The following GOLT1B variants were observed in gnomAD, a reference collection of about 807,000 sequenced individuals.
The protein encoded by GOLT1B is vesicle transport protein GOT1B.
GOLT1B carries 3 observed loss-of-function variants against 15.4 expected under a neutral mutation model. The observed-to-expected ratio is 0.19, with a 90% CI of 0.09 to 0.50. The LOEUF (loss-of-function observed/expected upper bound fraction) is 0.50, where lower values mean the gene tolerates loss of function less well. Among genes scored for constraint, GOLT1B ranks in the 20% least tolerant of loss-of-function variants. The pLI is 0.97. For synonymous variants in GOLT1B, 65 were observed against 56.2 expected (o/e 1.16, Z -0.70); for missense variants, 145 against 160.4 (o/e 0.90, Z 0.52).
intron 4 of GOLT1B, 149 bp from the exon 5 acceptor site, chr12:21,515,520 G>C (rs1421293272): frequency 1.6e-6 from 1 of 638,084 alleles, no homozygotes; most frequent in Non-Finnish European, 2.7e-6. Context: ...ATGGTGAGTA[G>C]TACTGGATTA....
intron 1 of GOLT1B, chr12:21,504,494 T>C: frequency 2.1e-6 from 1 of 470,296 alleles, no homozygotes; most frequent in South Asian, 1.5e-5. Flanking sequence ...CTGGATAAAG[T>C]AGTGGAATAT....
At chr12:21,515,121 A>G (rs1161283928) in intron 4 of GOLT1B, 4 of 558,434 alleles carry the variant, frequency 7.2e-6, no homozygotes, top group East Asian at 3.0e-5. Context: ...CATTAAATCT[A>G]TCTTTAATGT....
chr12:21,509,396 CAAAAAAAAA>C (rs71053318), intron 3 of GOLT1B, among the ~76,000 whole-genome samples: 10 of 74,038 alleles, frequency 1.4e-4, no homozygotes, highest in African/African-American at 4.4e-4. Flanking sequence ...GACTCTGTCT[CAAAAAAAAA>C]AAAAAAAAAA....
intron 1 of GOLT1B, among the ~76,000 whole-genome samples, chr12:21,502,362 C>G (rs541638588): frequency 1.3e-5 from 2 of 152,282 alleles, no homozygotes; most frequent in East Asian, 3.9e-4. Context: ...TCTACAAGTC[C>G]CTGGCTGGCT....
At position 21,518,344 on chromosome 12, in the gene GOLT1B, G is replaced by A. The variant is rs1008206883; in HGVS notation, c.*2637G>A. Reference sequence around the variant, plus strand: ...AAATAGACTTCAAGTAAGCAAAAATGTTCTTAATTTTGAAAACTGTAAAAT... The same window carrying A: ...AAATAGACTTCAAGTAAGCAAAAATATTCTTAATTTTGAAAACTGTAAAAT... On this transcript the variant is annotated 3_prime_UTR_variant, in exon 5 of 5. Coordinates refer to ENST00000229314, the MANE Select transcript of GOLT1B (RefSeq NM_016072.5). 1 of 152,002 alleles carries A rather than the reference G, an allele frequency of 6.6e-6. No homozygotes were observed. Among genetic ancestry groups the A allele is most frequent in the Non-Finnish European group, 1.5e-5 (1 of 67,960 alleles). The allele number at this position is 152,002 out of a possible 1,614,324, so 9.4% of individuals were successfully genotyped here.
At position 21,518,247 on chromosome 12, in the gene GOLT1B, A is replaced by G. The variant is rs920164140; in HGVS notation, c.*2540A>G. ...CTCATTTTTAAAAAATTAGCCTTAT[A>G]TGCAGTGTTCTATTTATCAAATGAT... On this transcript the variant is annotated 3_prime_UTR_variant, in exon 5 of 5. Transcript: ENST00000229314. 6 of 152,150 alleles carry G rather than the reference A, an allele frequency of 3.9e-5. No homozygotes were observed. The highest frequency in any genetic ancestry group is 8.8e-5 in the Non-Finnish European group (6 of 67,984). 9.4% of individuals were successfully genotyped at this position (152,150 alleles called of 1,614,324 possible).
chr12:21,515,502 A>C (rs2136811665), intron 4 of GOLT1B, among the ~76,000 whole-genome samples, 167 bp from the exon 5 acceptor site: 1 of 152,278 alleles, frequency 6.6e-6, no homozygotes, highest in South Asian at 2.1e-4. Context: ...TTTATGTATC[A>C]GAAGATGATG....
intron 4 of GOLT1B, among the ~76,000 whole-genome samples, chr12:21,514,105 AATTCAG>A (rs1943739579): frequency 6.6e-6 from 1 of 152,178 alleles, no homozygotes; most frequent in East Asian, 1.9e-4. Context: ...GGTGATCTAG[AATTCAG>A]CTGAGTTGGC....
At chr12:21,514,295 G>C (rs1943740757) in intron 4 of GOLT1B, among the ~76,000 whole-genome samples, 1 of 152,192 alleles carries the variant, frequency 6.6e-6, no homozygotes, top group Non-Finnish European at 1.5e-5. Flanking sequence ...ACTTTCTAAA[G>C]TTGTTCACAG....
intron 4 of GOLT1B, among the ~76,000 whole-genome samples, chr12:21,513,660 G>A (rs1943736171): frequency 1.3e-5 from 2 of 151,998 alleles, no homozygotes; most frequent in African/African-American, 4.8e-5. Context: ...GGCCATGCAT[G>A]GTGGTTCACT....
intron 1 of GOLT1B, among the ~76,000 whole-genome samples, chr12:21,504,045 A>G (rs11046088): frequency 0.035 from 5,405 of 152,320 alleles, 321 homozygotes; most frequent in African/African-American, 0.12. Flanking sequence ...GGTAAGAGAG[A>G]CAATGCTGCT....
intron 3 of GOLT1B, 70 bp downstream of exon 3, chr12:21,508,631 G>T (rs941003310): frequency 2.6e-6 from 2 of 768,054 alleles, no homozygotes; most frequent in African/African-American, 3.6e-5. Context: ...TCAGATATTT[G>T]CATCAGTTGG....
At chr12:21,510,827 T>G (rs1239970934) in intron 3 of GOLT1B, among the ~76,000 whole-genome samples, 1 of 152,214 alleles carries the variant, frequency 6.6e-6, no homozygotes, top group East Asian at 1.9e-4. Flanking sequence ...CATAACAGAA[T>G]CTTATTGCTT....
At chr12:21,510,999 A>G (rs1943715569) in intron 3 of GOLT1B, among the ~76,000 whole-genome samples, 1 of 152,212 alleles carries the variant, frequency 6.6e-6, no homozygotes, top group Admixed American at 6.5e-5. Context: ...GTTGTCTGCA[A>G]CAGACAACAG....
intron 3 of GOLT1B, among the ~76,000 whole-genome samples, chr12:21,509,421 A>G (rs1943703864): frequency 6.8e-6 from 1 of 147,834 alleles, no homozygotes; most frequent in South Asian, 2.1e-4. Context: ...AAAAAAAAAA[A>G]AAACAGAAAA....
At chr12:21,508,965 C>T (rs1254570381) in intron 3 of GOLT1B, among the ~76,000 whole-genome samples, 2 of 151,982 alleles carry the variant, frequency 1.3e-5, no homozygotes, top group African/African-American at 2.4e-5. Context: ...ATAGCTACTG[C>T]TACTTGATGG....
At position 21,517,420 on chromosome 12, in the gene GOLT1B, G is replaced by A. The variant is rs1476740280; in HGVS notation, c.*1713G>A. The A allele has an allele frequency of 6.6e-6, 1 of 152,388 alleles. No homozygotes were observed. Among genetic ancestry groups the A allele is most frequent in the African/African-American group, 2.4e-5 (1 of 41,406 alleles). 9.4% of individuals were successfully genotyped at this position (152,388 alleles called of 1,614,324 possible). A position where few individuals can be genotyped will look rare whatever the true frequency, so the allele number is the denominator to read the frequency against. On this transcript the variant is annotated 3_prime_UTR_variant, in exon 5 of 5. Coordinates refer to ENST00000229314, the MANE Select transcript of GOLT1B (RefSeq NM_016072.5). Reference sequence around the variant, plus strand: ...CTTCAAAAAAGTAATATCCTCACTTGGAGAGTGTCAAATACATACTTTGAG... The same window carrying A: ...CTTCAAAAAAGTAATATCCTCACTTAGAGAGTGTCAAATACATACTTTGAG...
chr12:21,504,596 A>G (rs1219072957), intron 1 of GOLT1B: 1 of 508,540 alleles, frequency 2.0e-6, no homozygotes, highest in Non-Finnish European at 3.9e-6. Flanking sequence ...ACCTGCCTCC[A>G]TACCACCAGC....
intron 1 of GOLT1B, among the ~76,000 whole-genome samples, chr12:21,505,037 G>A (rs1443887827): frequency 6.6e-6 from 1 of 152,164 alleles, no homozygotes; most frequent in East Asian, 1.9e-4. Context: ...TTATCTAGAA[G>A]TGTGGCTTTA....
Sources: gnomAD v4.1 joint callset for allele counts (sites outside exome capture counted in the v4.1 genomes callset) on GRCh38, gnomAD v4.1.1 for gene constraint, MANE v1.5 for transcripts, NCBI Gene and HGNC (gene_info 2026-07-23, HGNC 2026-07-21) for gene names.